The following CNTN5 variants were observed in gnomAD, a reference collection of about 807,000 sequenced individuals.
CNTN5 encodes contactin-5.
A neutral mutation model predicts 129.1 loss-of-function variants in CNTN5; 77 were observed. That is an observed-to-expected ratio of 0.60 (90% CI 0.50 to 0.72). The LOEUF is 0.72. Ranked by LOEUF, CNTN5 falls within the 30% of genes least tolerant of loss-of-function variation. The probability of loss-of-function intolerance (pLI) is 0.00; values close to 1 mark genes in which losing one functional copy is unlikely to be tolerated. For synonymous variants in CNTN5, 509 were observed against 465.6 expected (o/e 1.09, Z -1.20); for missense variants, 1,478 against 1,328.8 (o/e 1.11, Z -1.75).
intron 1 of CNTN5, among the ~76,000 whole-genome samples, chr11:99,118,503 G>T (rs1858148542): frequency 6.6e-6 from 1 of 151,656 alleles, no homozygotes; most frequent in South Asian, 2.1e-4. Flanking sequence ...TGCTTCCATT[G>T]GTTTATTCAT....
intron 1 of CNTN5, among the ~76,000 whole-genome samples, chr11:99,095,606 A>C (rs1395876552): frequency 6.6e-6 from 1 of 151,872 alleles, no homozygotes; most frequent in African/African-American, 2.4e-5. Flanking sequence ...AAAGTACATT[A>C]ATATCAGGCT....
At chr11:99,803,298 G>A (rs908111333) in intron 3 of CNTN5, among the ~76,000 whole-genome samples, 4 of 152,186 alleles carry the variant, frequency 2.6e-5, no homozygotes, top group Non-Finnish European at 5.9e-5. Context: ...GGCCCTGGCT[G>A]CAGGTCTTGT....
chr11:100,186,130 C>T (rs1192674514), intron 13 of CNTN5, among the ~76,000 whole-genome samples: 1 of 152,090 alleles, frequency 6.6e-6, no homozygotes, highest in Non-Finnish European at 1.5e-5. Context: ...GAGGCCAAGA[C>T]AGGTACATTC....
chr11:99,465,874 C>CA (rs1554995294), intron 2 of CNTN5, among the ~76,000 whole-genome samples: 2 of 106,404 alleles, frequency 1.9e-5, no homozygotes, highest in Non-Finnish European at 3.5e-5. Context: ...TGCCACACAC[C>CA]TTTTTTTTTT....
intron 2 of CNTN5, among the ~76,000 whole-genome samples, chr11:99,364,229 C>T (rs1207062484): frequency 6.6e-6 from 1 of 151,980 alleles, no homozygotes; most frequent in East Asian, 1.9e-4. Context: ...AATTAAATCA[C>T]TCATTTGAAC....
intron 3 of CNTN5, among the ~76,000 whole-genome samples, chr11:99,641,440 C>A (rs12806028): frequency 0.6 from 91,318 of 151,876 alleles, 28,283 homozygotes; most frequent in Admixed American, 0.69. Context: ...TCAAAGGGAA[C>A]AGGTAGAAGT....
intron 3 of CNTN5, among the ~76,000 whole-genome samples, chr11:99,650,778 C>T (rs1328175177): frequency 1.4e-4 from 22 of 151,852 alleles, no homozygotes; most frequent in Non-Finnish European, 2.9e-5. Flanking sequence ...TATTTTTAAA[C>T]TGATATCTGA....
At chr11:99,235,338 A>T (rs1209215678) in intron 1 of CNTN5, among the ~76,000 whole-genome samples, 1 of 152,122 alleles carries the variant, frequency 6.6e-6, no homozygotes, top group East Asian at 1.9e-4. Flanking sequence ...TAAACATTAT[A>T]CTTTATCCTT....
intron 8 of CNTN5, among the ~76,000 whole-genome samples, chr11:99,979,604 A>C (rs1938210459): frequency 6.6e-6 from 1 of 152,062 alleles, no homozygotes; most frequent in African/African-American, 2.4e-5. Flanking sequence ...TTACCATAAG[A>C]TCCTTGCTCC....
At chr11:100,216,637 G>A (rs566288048) in intron 15 of CNTN5, among the ~76,000 whole-genome samples, 2 of 151,878 alleles carry the variant, frequency 1.3e-5, no homozygotes, top group African/African-American at 4.8e-5. Context: ...ATGGGTCTTG[G>A]GTGTTATCGG....
chr11:100,248,858 G>A (rs1385004975), intron 16 of CNTN5, among the ~76,000 whole-genome samples: 4 of 152,260 alleles, frequency 2.6e-5, no homozygotes, highest in African/African-American at 9.6e-5. Flanking sequence ...CAAGGAGAAT[G>A]AGCAATAATT....
intron 13 of CNTN5, among the ~76,000 whole-genome samples, chr11:100,163,757 T>C (rs1468388743): frequency 6.6e-6 from 1 of 151,816 alleles, no homozygotes; most frequent in Non-Finnish European, 1.5e-5. Context: ...GATTTAGTTT[T>C]CTCTGTTTTG....
chr11:99,937,595 T>C (rs1290837616), intron 7 of CNTN5, among the ~76,000 whole-genome samples: 1 of 152,176 alleles, frequency 6.6e-6, no homozygotes, highest in African/African-American at 2.4e-5. Flanking sequence ...GCCATTTTAG[T>C]GGCTCCATGT....
At chr11:99,030,397 A>G (rs1347335420) in intron 1 of CNTN5, among the ~76,000 whole-genome samples, 1 of 152,116 alleles carries the variant, frequency 6.6e-6, no homozygotes, top group African/African-American at 2.4e-5. Context: ...TCTTGGCTGG[A>G]TGCTGTGTAT....
chr11:100,020,489 A>G (rs1029190816), intron 9 of CNTN5, among the ~76,000 whole-genome samples: 1 of 152,156 alleles, frequency 6.6e-6, no homozygotes, highest in South Asian at 2.1e-4. Flanking sequence ...ATATGCCTAT[A>G]TGTCTGTTTC....
intron 3 of CNTN5, among the ~76,000 whole-genome samples, chr11:99,796,647 G>A (rs544684127): frequency 2.0e-5 from 3 of 151,584 alleles, no homozygotes; most frequent in Admixed American, 2.0e-4. Flanking sequence ...GCAGACAGGG[G>A]GCTGCTCTGG....
intron 3 of CNTN5, among the ~76,000 whole-genome samples, chr11:99,672,561 G>A (rs1193031319): frequency 2.0e-5 from 3 of 151,150 alleles, no homozygotes; most frequent in African/African-American, 4.9e-5. Flanking sequence ...TACTCTGCAC[G>A]AGCAAGAGGA....
At chr11:99,943,795 T>C (rs906736333) in intron 7 of CNTN5, among the ~76,000 whole-genome samples, 2 of 152,206 alleles carry the variant, frequency 1.3e-5, no homozygotes, top group Non-Finnish European at 2.9e-5. Flanking sequence ...CAGGGAATCC[T>C]TTCCCCATTG....
intron 2 of CNTN5, among the ~76,000 whole-genome samples, chr11:99,422,246 G>T (rs968098799): frequency 6.6e-6 from 1 of 151,750 alleles, no homozygotes; most frequent in Admixed American, 6.6e-5. Context: ...ATGCAACCTG[G>T]GTTAATTAGC....
Sources: allele counts gnomAD v4.1 joint callset (sites outside exome capture counted in the v4.1 genomes callset), GRCh38; gene constraint gnomAD v4.1.1; transcripts MANE v1.5; gene names NCBI Gene and HGNC (gene_info 2026-07-23, HGNC 2026-07-21).